NEK10: variants seen among roughly 807,000 people sequenced by gnomAD.
NEK10 encodes NIMA related kinase 10.
NEK10 carries 122 observed loss-of-function variants against 159.8 expected under a neutral mutation model. The observed-to-expected ratio is 0.76, with a 90% confidence interval of 0.66 to 0.89. The LOEUF (loss-of-function observed/expected upper bound fraction) is 0.89. NEK10 is among the 40% of genes least tolerant of loss of function. The pLI, the probability that NEK10 is intolerant of heterozygous loss-of-function variation, is 0.00. For missense variants in NEK10, 1,342 were observed against 1,323.1 expected (o/e 1.01, Z -0.22); for synonymous variants, 466 against 457.1 (o/e 1.02, Z -0.25).
At chr3:27,243,200 T>C (rs1954733530) in intron 23 of NEK10, among the ~76,000 whole-genome samples, 1 of 152,106 alleles carries the variant, frequency 6.6e-6, no homozygotes, top group African/African-American at 2.4e-5. Flanking sequence ...AGGGTTGTTA[T>C]GAACAGTCTG....
chr3:27,259,748 G>T (rs13069688), intron 22 of NEK10, among the ~76,000 whole-genome samples: 1 of 151,918 alleles, frequency 6.6e-6, no homozygotes, highest in African/African-American at 2.4e-5. Context: ...TTTTCCAATT[G>T]TGTGAAGAAA....
rs115901657 is a variant in NEK10, at chr3:27,299,881, G to A, written c.1168+1815C>T. On this transcript the variant is annotated intron_variant, in intron 13 of 35. Transcript: ENST00000691995. ...TTTGGAACAGCTGTATTTATCCAAT[G>A]TCTGTACCCCATTGTATCTAGGAAG... Among the ~76,000 whole-genome samples, 516 of 152,262 alleles carry A rather than the reference G, an allele frequency of 3.4e-3. 1 individual carries two copies. Among genetic ancestry groups the A allele is most frequent in the Non-Finnish European group, 5.9e-3 (401 of 68,024 alleles).
intron 26 of NEK10, 82 bp from the exon 27 acceptor site, chr3:27,174,915 T>A: frequency 1.8e-6 from 2 of 1,139,926 alleles, no homozygotes; most frequent in Non-Finnish European, 2.5e-6. Flanking sequence ...GAACATATAT[T>A]AACTGCTTCA....
intron 23 of NEK10, among the ~76,000 whole-genome samples, chr3:27,211,865 A>G (rs1381922990): frequency 6.6e-6 from 1 of 152,200 alleles, no homozygotes; most frequent in African/African-American, 2.4e-5. Flanking sequence ...AAGAAAACAG[A>G]CTATTTTTTA....
intron 1 of NEK10, among the ~76,000 whole-genome samples, chr3:27,363,497 A>C (rs551824417): frequency 5.9e-5 from 9 of 152,338 alleles, no homozygotes; most frequent in South Asian, 4.1e-4. Flanking sequence ...GGAAGCTCCA[A>C]ATATAACTGG....
chr3:27,106,785 T>C lies in NEK10; in HGVS notation c.*4487A>G, dbSNP rs1939025464. 6.6e-6 allele frequency among the ~76,000 whole-genome samples: 1 copy of C among 152,206 alleles called. No individual in the cohort carries two copies. The stretch of plus-strand genomic sequence containing the variant: ...GAACTCACCATATCAATTCCAAGTA[T>C]CCATCTGGATTTGTTGATTGTCAAA... On this transcript the variant is annotated 3_prime_UTR_variant, in exon 36 of 36. Coordinates refer to ENST00000691995, the MANE Select transcript of NEK10 (RefSeq NM_001394966.1).
chr3:27,343,115 C>A (rs1019320671), intron 5 of NEK10, among the ~76,000 whole-genome samples: 1 of 152,110 alleles, frequency 6.6e-6, no homozygotes, highest in African/African-American at 2.4e-5. Flanking sequence ...GTCTAATAAT[C>A]CTCTGCTTAA....
intron 22 of NEK10, among the ~76,000 whole-genome samples, chr3:27,264,485 CT>C (rs756332326): frequency 2.5e-4 from 38 of 152,130 alleles, no homozygotes; most frequent in Non-Finnish European, 5.1e-4. Context: ...GCTAATTTGA[CT>C]TTTAAAAATC....
rs919980343 is a variant in NEK10 at position 27,111,030 on chromosome 3, C to T, written c.*242G>A. The T allele has an allele frequency of 1.1e-5, 4 of 349,608 alleles. No homozygotes were observed. The highest frequency in any genetic ancestry group is 6.3e-5 in the African/African-American group (3 of 47,458). 21.7% of individuals were successfully genotyped at this position (349,608 alleles called of 1,614,324 possible). ...TGAATTTTGCAGCATTTTCTCCCAGCAGCACACTGGTAGCTCTGACATCCT... is the reference window on the plus strand; with the variant it reads ...TGAATTTTGCAGCATTTTCTCCCAGTAGCACACTGGTAGCTCTGACATCCT... On this transcript the variant is annotated 3_prime_UTR_variant, in exon 36 of 36. Transcript: ENST00000691995.
At chr3:27,129,594 G>C (rs1942379774) in intron 32 of NEK10, among the ~76,000 whole-genome samples, 2 of 151,910 alleles carry the variant, frequency 1.3e-5, no homozygotes, top group African/African-American at 4.8e-5. Context: ...TTACATATAT[G>C]AATATATTTT....
chr3:27,308,630 A>G (rs560831968), intron 10 of NEK10, among the ~76,000 whole-genome samples: 2 of 152,314 alleles, frequency 1.3e-5, no homozygotes, highest in Non-Finnish European at 1.5e-5. Flanking sequence ...AGAAAGATTC[A>G]ACTGCCAAAG....
intron 6 of NEK10, among the ~76,000 whole-genome samples, chr3:27,317,841 T>A (rs542102026): frequency 6.6e-6 from 1 of 151,586 alleles, no homozygotes; most frequent in African/African-American, 2.4e-5. Flanking sequence ...CTCCCTCTGT[T>A]GCCCAGGCTG....
chr3:27,329,558 G>T (rs1366401959), intron 5 of NEK10, among the ~76,000 whole-genome samples: 3 of 152,120 alleles, frequency 2.0e-5, no homozygotes, highest in African/African-American at 7.2e-5. Context: ...TGGTTCTGGT[G>T]GTTACCTGTA....
chr3:27,331,770 C>A (rs527432264), intron 5 of NEK10, among the ~76,000 whole-genome samples: 2 of 152,226 alleles, frequency 1.3e-5, no homozygotes, highest in East Asian at 3.9e-4. Context: ...TTTCTAATAA[C>A]GTTGTGATGT....
At chr3:27,277,731 A>G (rs2041872313) in intron 22 of NEK10, among the ~76,000 whole-genome samples, 2 of 152,218 alleles carry the variant, frequency 1.3e-5, no homozygotes, top group African/African-American at 4.8e-5. Flanking sequence ...GATAGACTAT[A>G]TAACTATTCA....
chr3:27,326,616 G>C (rs1311235336), intron 5 of NEK10, among the ~76,000 whole-genome samples: 3 of 152,160 alleles, frequency 2.0e-5, no homozygotes, highest in Non-Finnish European at 1.5e-5. Flanking sequence ...TAATAAAGAA[G>C]TGTATATAAA....
At position 27,109,216 on chromosome 3, in the gene NEK10, TA is replaced by T. The variant is rs1939274045; in HGVS notation, c.*2055del. On this transcript the variant is annotated 3_prime_UTR_variant, in exon 36 of 36. Transcript: ENST00000691995. ...CAACATGGTGTAACCCCATCTCTAC[TA>T]AAAACACAAAAATTAGCTGGGCATG... Among the ~76,000 whole-genome samples the T allele has an allele frequency of 6.6e-6, 1 of 151,890 alleles. No homozygotes were observed. Among genetic ancestry groups the T allele is most frequent in the Admixed American group, 6.6e-5 (1 of 15,228 alleles).
Position 27,291,512 on chromosome 3 carries a change from T to C in NEK10, c.1448A>G (p.Glu483Gly). 1 of 1,610,840 alleles carries C rather than the reference T, an allele frequency of 6.2e-7. No homozygotes were observed. Among genetic ancestry groups the C allele is most frequent in the South Asian group, 1.1e-5 (1 of 91,022 alleles). ...TAATAAATTCAGCTTGGATACCAATTCTTCATAAGCACTGATATCACGTAC... is the reference window on the plus strand; with the variant it reads ...TAATAAATTCAGCTTGGATACCAATCCTTCATAAGCACTGATATCACGTAC... Reference protein sequence around the residue: ...HYVRDISAYEELVSKLNLLVE... With the variant: ...HYVRDISAYEGLVSKLNLLVE... The change falls in exon 17 of 36, where the codon GAA becomes GGA. Residue 483 changes from glutamate to glycine, a missense_variant. Glu to Gly is a moderately conservative substitution (Grantham distance 98). Coordinates refer to ENST00000691995, the MANE Select transcript of NEK10 (RefSeq NM_001394966.1).
At chr3:27,111,345 A>G (rs1281271771) in intron 35 of NEK10, 25 bp from the exon 36 acceptor site, 1 of 1,548,062 alleles carries the variant, frequency 6.5e-7, no homozygotes, top group Admixed American at 1.9e-5. Context: ...AGTGGAAAGA[A>G]TTCTCTATAG....
Sources: gnomAD v4.1 joint callset for allele counts (sites outside exome capture counted in the v4.1 genomes callset) on GRCh38, gnomAD v4.1.1 for gene constraint, MANE v1.5 for transcripts, NCBI Gene and HGNC (gene_info 2026-07-23, HGNC 2026-07-21) for gene names.